GFRA2: variants seen among roughly 807,000 people sequenced by gnomAD.
GFRA2 encodes GDNF family receptor alpha 2.
Under a neutral mutation model 48.3 loss-of-function variants are expected in GFRA2, and 17 were observed. That is an observed-to-expected ratio of 0.35 (90% CI 0.24 to 0.53). The LOEUF is 0.53. GFRA2 is among the 20% of genes least tolerant of loss of function. GFRA2 has a pLI of 0.93. For synonymous variants in GFRA2, 305 were observed against 257.2 expected (o/e 1.19, Z -1.78); for missense variants, 660 against 637.3 (o/e 1.04, Z -0.38).
intron 1 of GFRA2, among the ~76,000 whole-genome samples, chr8:21,811,117 A>C (rs1807972421): frequency 6.6e-6 from 1 of 152,146 alleles, no homozygotes; most frequent in Non-Finnish European, 1.5e-5. Context: ...TGCAGAGAAC[A>C]AGGGCCAGGA....
At chr8:21,797,287 C>CTTTTTTTTTTTTTTTTTTT (rs1159867192) in intron 2 of GFRA2, among the ~76,000 whole-genome samples, 3 of 85,640 alleles carry the variant, frequency 3.5e-5, no homozygotes, top group Admixed American at 1.5e-4. Flanking sequence ...CCTTTCTTTG[C>CTTTTTTTTTTTTTTTTTTT]TTTTTTTTTT....
intron 3 of GFRA2, among the ~76,000 whole-genome samples, chr8:21,751,691 C>T (rs1585296426): frequency 1.3e-5 from 2 of 152,302 alleles, no homozygotes; most frequent in Non-Finnish European, 2.9e-5. Context: ...GTGGGAAGGA[C>T]TTGGGGTGAG....
chr8:21,794,453 G>A (rs1807633642), intron 2 of GFRA2, among the ~76,000 whole-genome samples: 1 of 151,828 alleles, frequency 6.6e-6, no homozygotes, highest in African/African-American at 2.4e-5. Context: ...GTTTCACCAT[G>A]TTGGCCAGGC....
chr8:21,796,417 C>T (rs1807678541), intron 2 of GFRA2, among the ~76,000 whole-genome samples: 1 of 152,242 alleles, frequency 6.6e-6, no homozygotes, highest in African/African-American at 2.4e-5. Context: ...GCAGAGAGCT[C>T]TCAGTCCCAA....
At chr8:21,755,476 A>G (rs1013822573) in intron 3 of GFRA2, among the ~76,000 whole-genome samples, 2 of 152,330 alleles carry the variant, frequency 1.3e-5, no homozygotes, top group East Asian at 3.9e-4. Flanking sequence ...CCATTAATAT[A>G]TCTTTAATGA....
chr8:21,725,043 C>A (rs1585257966), intron 4 of GFRA2, among the ~76,000 whole-genome samples: 1 of 152,226 alleles, frequency 6.6e-6, no homozygotes, highest in African/African-American at 2.4e-5. Flanking sequence ...AAACCTTCCC[C>A]AAACCCATCC....
intron 4 of GFRA2, among the ~76,000 whole-genome samples, chr8:21,732,510 G>A (rs1192270443): frequency 3.3e-5 from 5 of 152,166 alleles, no homozygotes; most frequent in African/African-American, 4.8e-5. Flanking sequence ...TTACAGCCAC[G>A]GGGGCACATG....
chr8:21,800,210 T>C (rs1326588932), intron 2 of GFRA2, among the ~76,000 whole-genome samples: 3 of 152,294 alleles, frequency 2.0e-5, no homozygotes, highest in South Asian at 2.1e-4. Flanking sequence ...GCAATCAATC[T>C]CAATCAATCA....
At chr8:21,715,875 G>T (rs912820730) in intron 4 of GFRA2, among the ~76,000 whole-genome samples, 4 of 152,202 alleles carry the variant, frequency 2.6e-5, no homozygotes, top group African/African-American at 9.6e-5. Context: ...TACAAGAAAA[G>T]CAAGGGAGAG....
At chr8:21,720,548 C>T (rs1803544842) in intron 4 of GFRA2, among the ~76,000 whole-genome samples, 1 of 152,164 alleles carries the variant, frequency 6.6e-6, no homozygotes, top group Admixed American at 6.5e-5. Flanking sequence ...CACCCTGATC[C>T]CCATCCATGA....
intron 7 of GFRA2, among the ~76,000 whole-genome samples, chr8:21,696,714 G>C (rs2117323709): frequency 6.6e-6 from 1 of 152,300 alleles, no homozygotes; most frequent in East Asian, 1.9e-4. Context: ...TTGCTCCTCG[G>C]AGTGAGCAGA....
chr8:21,787,281 G>C (rs992335717), intron 1 of GFRA2, among the ~76,000 whole-genome samples: 4 of 149,664 alleles, frequency 2.7e-5, no homozygotes, highest in African/African-American at 9.8e-5. Context: ...GCAGTGGGGG[G>C]GGTTTGCAGA....
At chr8:21,797,081 TAACCCCA>T (rs1387136736) in intron 2 of GFRA2, among the ~76,000 whole-genome samples, 3 of 152,186 alleles carry the variant, frequency 2.0e-5, no homozygotes, top group African/African-American at 7.2e-5. Flanking sequence ...GTGTCCTAAC[TAACCCCA>T]AATTCCCTAT....
chr8:21,727,771 G>A (rs756316188), intron 4 of GFRA2, among the ~76,000 whole-genome samples: 2 of 152,296 alleles, frequency 1.3e-5, no homozygotes, highest in Non-Finnish European at 2.9e-5. Context: ...CCTTACCACC[G>A]CGGTCTCTCC....
intron 6 of GFRA2, among the ~76,000 whole-genome samples, chr8:21,703,293 G>T (rs1287596986): frequency 5.9e-5 from 9 of 152,076 alleles, no homozygotes; most frequent in Non-Finnish European, 1.3e-4. Flanking sequence ...CCTAGGGGAG[G>T]AGGGGGCCAC....
chr8:21,780,561 C>T (rs1319793995), intron 2 of GFRA2, among the ~76,000 whole-genome samples: 1 of 152,162 alleles, frequency 6.6e-6, no homozygotes, highest in Non-Finnish European at 1.5e-5. Context: ...CATGTCCCTT[C>T]CTCAGTCTCG....
intron 7 of GFRA2, among the ~76,000 whole-genome samples, chr8:21,702,467 G>T (rs1802528723): frequency 6.6e-6 from 1 of 152,148 alleles, no homozygotes; most frequent in Non-Finnish European, 1.5e-5. Flanking sequence ...TTGACCCTAG[G>T]AGCCTGCTGC....
At chr8:21,711,995 G>A (rs1162149913) in intron 4 of GFRA2, among the ~76,000 whole-genome samples, 1 of 152,170 alleles carries the variant, frequency 6.6e-6, no homozygotes, top group African/African-American at 2.4e-5. Flanking sequence ...CACAGGGTTG[G>A]GGGTAAGGTC....
chr8:21,783,228 G>A (rs764411270), intron 1 of GFRA2: 5 of 481,624 alleles, frequency 1.0e-5, no homozygotes, highest in Non-Finnish European at 2.0e-5. Flanking sequence ...GAATGTCACA[G>A]CCTCAGCAGA....
Sources: gnomAD v4.1 joint callset for allele counts (sites outside exome capture counted in the v4.1 genomes callset) on GRCh38, gnomAD v4.1.1 for gene constraint, MANE v1.5 for transcripts, NCBI Gene and HGNC (gene_info 2026-07-23, HGNC 2026-07-21) for gene names.